Variants in SURF4 observed in about 807,000 individuals in gnomAD.
SURF4 encodes surfeit locus protein 4.
A neutral mutation model predicts 30.0 loss-of-function variants in SURF4; 3 were observed. That is an observed-to-expected ratio of 0.10 (90% confidence interval 0.05 to 0.26). The LOEUF (loss-of-function observed/expected upper bound fraction) is 0.26. Among genes scored for constraint, SURF4 ranks in the 10% least tolerant of loss-of-function variants. SURF4 has a pLI of 1.00. For synonymous variants in SURF4, 143 were observed against 139.9 expected (o/e 1.02, Z -0.16); for missense variants, 217 against 350.8 (o/e 0.62, Z 3.05).
chr9:133,376,767 ACT>A (rs2119197494), upstream of SURF4, among the ~76,000 whole-genome samples: 1 of 152,254 alleles, frequency 6.6e-6, no homozygotes, highest in South Asian at 2.1e-4. Flanking sequence ...TTGTGAATTG[ACT>A]AAGGATTCTC....
chr9:133,373,017 T>C (rs1161999184), intron 1 of SURF4, among the ~76,000 whole-genome samples: 1 of 152,096 alleles, frequency 6.6e-6, no homozygotes, highest in Non-Finnish European at 1.5e-5. Context: ...TGCGCTGCCT[T>C]ACAGATATGG....
At position 133,376,044 on chromosome 9, in the gene SURF4, C is replaced by T. The variant is rs1446700519; in HGVS notation, c.-75G>A. On this transcript the variant is annotated 5_prime_UTR_variant, in exon 1 of 6. Coordinates refer to ENST00000371989, the MANE Select transcript of SURF4 (RefSeq NM_033161.4). Reference sequence around the variant, plus strand: ...CGCCCGTCGGCGCCCGCACCCGCTGCGGCCTCCACAGGAAGTGCCCGGCGG... The same window carrying T: ...CGCCCGTCGGCGCCCGCACCCGCTGTGGCCTCCACAGGAAGTGCCCGGCGG... 8.3e-7 allele frequency: 1 copy of T among 1,212,062 alleles called. No individual in the cohort carries two copies. The allele number at this position is 1,212,062 out of a possible 1,614,324, so 75.1% of individuals were successfully genotyped here.
chr9:133,364,409 C>T (rs1024193287), intron 5 of SURF4, among the ~76,000 whole-genome samples: 2 of 152,062 alleles, frequency 1.3e-5, no homozygotes, highest in South Asian at 4.1e-4. Context: ...AAGTTTGCTC[C>T]GCCGAGCACG....
chr9:133,376,549 G>A (rs2130249295), upstream of SURF4: 6 of 1,598,532 alleles, frequency 3.8e-6, no homozygotes, highest in South Asian at 6.8e-5. Context: ...AGAGCCCATG[G>A]AGAAGTACCA....
intron 4 of SURF4, 105 bp from the exon 5 acceptor site, chr9:133,365,131 C>T (rs1837089863): frequency 2.7e-6 from 3 of 1,106,366 alleles, no homozygotes; most frequent in African/African-American, 3.2e-5. Flanking sequence ...AAGGCCCTTA[C>T]TTCCCTTTCT....
At chr9:133,372,158 C>T (rs904735332) in intron 1 of SURF4, among the ~76,000 whole-genome samples, 1 of 152,228 alleles carries the variant, frequency 6.6e-6, no homozygotes, top group Non-Finnish European at 1.5e-5. Flanking sequence ...TAGAGCACGT[C>T]TCAGCAGTTT....
At chr9:133,368,575 T>C (rs2130160869) in intron 1 of SURF4, among the ~76,000 whole-genome samples, 1 of 152,250 alleles carries the variant, frequency 6.6e-6, no homozygotes, top group East Asian at 1.9e-4. Context: ...ACAAATGGGA[T>C]GGACAGCTGT....
At chr9:133,372,981 A>T (rs1837592266) in intron 1 of SURF4, among the ~76,000 whole-genome samples, 1 of 152,186 alleles carries the variant, frequency 6.6e-6, no homozygotes. Context: ...ACGGACTCTT[A>T]AGGAGATCAT....
At chr9:133,364,719 T>C (rs2130107537) in intron 5 of SURF4, 121 bp downstream of exon 5, 1 of 906,852 alleles carries the variant, frequency 1.1e-6, no homozygotes, top group African/African-American at 1.7e-5. Flanking sequence ...GTTTGCTCCA[T>C]TTCAGCAGCT....
upstream of SURF4, among the ~76,000 whole-genome samples, chr9:133,377,020 C>T (rs1247762475): frequency 1.3e-5 from 2 of 152,170 alleles, no homozygotes; most frequent in African/African-American, 4.8e-5. Context: ...TTAAATGCTT[C>T]TATACATGAT....
chr9:133,373,021 G>T (rs2130202378), intron 1 of SURF4, among the ~76,000 whole-genome samples: 373 of 152,218 alleles, frequency 2.5e-3, no homozygotes, highest in Middle Eastern at 6.8e-3. Flanking sequence ...CTGCCTTACA[G>T]ATATGGTGCC....
intron 1 of SURF4, chr9:133,370,899 A>C (rs2130184306): frequency 7.8e-7 from 1 of 1,289,790 alleles, no homozygotes; most frequent in South Asian, 1.2e-5. Flanking sequence ...CTTCTCATTA[A>C]GTCTCTCCGA....
At chr9:133,371,224 C>T (rs1837487587) in intron 1 of SURF4, 1 of 758,994 alleles carries the variant, frequency 1.3e-6, no homozygotes, top group Admixed American at 6.2e-5. Context: ...GTCAGATTTC[C>T]TTGATCACCA....
chr9:133,373,692 C>T (rs1470856744), intron 1 of SURF4, among the ~76,000 whole-genome samples: 2 of 151,528 alleles, frequency 1.3e-5, no homozygotes, highest in African/African-American at 2.4e-5. Flanking sequence ...CTAAGGCAGG[C>T]GGACCACCTG....
upstream of SURF4, chr9:133,376,081 C>T (rs1837914361): frequency 1.7e-6 from 2 of 1,205,940 alleles, no homozygotes; most frequent in East Asian, 3.4e-5. Context: ...CGGCCTCGCT[C>T]CGCGTCGGCT....
At chr9:133,365,244 G>A (rs937566963) in intron 4 of SURF4, among the ~76,000 whole-genome samples, 2 of 152,144 alleles carry the variant, frequency 1.3e-5, no homozygotes, top group Admixed American at 1.3e-4. Context: ...GGAGACAGAG[G>A]TATCTTTACA....
At chr9:133,374,485 C>T (rs2130224790) in intron 1 of SURF4, among the ~76,000 whole-genome samples, 1 of 152,100 alleles carries the variant, frequency 6.6e-6, no homozygotes, top group Non-Finnish European at 1.5e-5. Context: ...CGCTTGAACC[C>T]AGGAGTTGGA....
rs1347703953 is a variant in SURF4 at position 133,362,337 on chromosome 9, C to T, written c.*1156G>A. 1 of 152,640 alleles carries T rather than the reference C, an allele frequency of 6.6e-6. No individual in the cohort carries two copies. The highest frequency in any genetic ancestry group is 6.5e-5 in the Admixed American group (1 of 15,280). The allele number at this position is 152,640 out of a possible 1,614,324, so 9.5% of individuals were successfully genotyped here. ...CCAAAAAGAGAAACACAGTATAAGG[C>T]AGTGTTAGAAAACTTTAAATACAGG... On this transcript the variant is annotated 3_prime_UTR_variant, in exon 6 of 6. Transcript: ENST00000371989.
chr9:133,366,537 T>C, intron 3 of SURF4, 62 bp downstream of exon 3: 1 of 1,577,254 alleles, frequency 6.3e-7, no homozygotes, highest in Non-Finnish European at 8.7e-7. Flanking sequence ...AAGGATGTCT[T>C]TTCAGAAGCT....
Sources: allele counts gnomAD v4.1 joint callset (sites outside exome capture counted in the v4.1 genomes callset), GRCh38; gene constraint gnomAD v4.1.1; transcripts MANE v1.5; gene names NCBI Gene and HGNC (gene_info 2026-07-23, HGNC 2026-07-21).